ACER3: variants seen among roughly 807,000 people sequenced by gnomAD.
The protein encoded by ACER3 is alkaline ceramidase 3.
In ACER3, 16 loss-of-function variants were observed where a neutral mutation model predicts 48.9. The observed-to-expected ratio is 0.33, with a 90% CI of 0.22 to 0.50. ACER3 has a LOEUF of 0.50. Among genes scored for constraint, ACER3 ranks in the 20% least tolerant of loss-of-function variants. ACER3 has a pLI of 0.98. For missense variants in ACER3, 227 were observed against 326.0 expected (o/e 0.70, Z 2.34); for synonymous variants, 109 against 107.8 (o/e 1.01, Z -0.07).
chr11:76,889,467 T>G (rs921223820), intron 1 of ACER3, among the ~76,000 whole-genome samples: 6 of 152,350 alleles, frequency 3.9e-5, no homozygotes, highest in African/African-American at 1.4e-4. Context: ...ATTTCAGTAC[T>G]GGAAATACTA....
intron 1 of ACER3, among the ~76,000 whole-genome samples, chr11:76,885,257 C>T (rs1945643569): frequency 6.6e-6 from 1 of 152,082 alleles, no homozygotes; most frequent in African/African-American, 2.4e-5. Context: ...CACAGAGACA[C>T]AGAAATGACT....
chr11:76,965,859 A>G lies in ACER3; in HGVS notation c.267+6828A>G, dbSNP rs1948123157. 1.3e-5 allele frequency among the ~76,000 whole-genome samples: 2 copies of G among 151,382 alleles called. 1 individual carries two copies. Among genetic ancestry groups the G allele is most frequent in the African/African-American group, 4.9e-5 (2 of 40,626 alleles). ...GTACCAGCCACTGCAAAAACATGCC[A>G]AATTGTAAAGACCATCAAGGCTAGG... is the stretch of plus-strand genomic sequence containing the variant. On this transcript the variant is annotated intron_variant, in intron 3 of 10. Coordinates refer to ENST00000532485, the MANE Select transcript of ACER3 (RefSeq NM_018367.7).
chr11:76,998,909 A>G (rs1948971460), intron 7 of ACER3, 88 bp downstream of exon 7: 2 of 1,037,668 alleles, frequency 1.9e-6, no homozygotes, highest in Admixed American at 3.1e-5. Context: ...ATAACACATA[A>G]AAGCTCACTT....
At chr11:76,876,991 A>G (rs1945398666) in intron 1 of ACER3, among the ~76,000 whole-genome samples, 1 of 152,088 alleles carries the variant, frequency 6.6e-6, no homozygotes, top group South Asian at 2.1e-4. Context: ...AGAAATTTTG[A>G]TTTTCTGTTG....
chr11:76,874,837 AT>A (rs1945328991), intron 1 of ACER3, among the ~76,000 whole-genome samples: 1 of 151,540 alleles, frequency 6.6e-6, no homozygotes, highest in African/African-American at 2.4e-5. Context: ...TTCTTCTTTG[AT>A]TTGTTTTTAA....
At chr11:76,959,297 C>A in intron 3 of ACER3, 1 of 1,115,666 alleles carries the variant, frequency 9.0e-7, no homozygotes, top group Non-Finnish European at 1.2e-6. Context: ...AGAGCAGAGT[C>A]ACATGGGGAC....
chr11:77,011,374 TG>T (rs1354574394), intron 7 of ACER3: 1 of 985,446 alleles, frequency 1.0e-6, no homozygotes. Context: ...AGATTGGCCA[TG>T]GTAAGTAAGT....
At chr11:76,926,807 A>C in intron 2 of ACER3, 140 bp downstream of exon 2, 1 of 543,690 alleles carries the variant, frequency 1.8e-6, no homozygotes, top group Non-Finnish European at 3.2e-6. Context: ...AAACTCCAAA[A>C]ACCTTGCCAG....
chr11:76,997,205 G>C (rs865933197), intron 6 of ACER3, among the ~76,000 whole-genome samples: 1 of 152,016 alleles, frequency 6.6e-6, no homozygotes, highest in African/African-American at 2.4e-5. Flanking sequence ...TTTCTTTTAA[G>C]GTAACTGCTA....
chr11:76,903,921 C>G (rs552566176), intron 1 of ACER3, among the ~76,000 whole-genome samples: 7 of 152,238 alleles, frequency 4.6e-5, no homozygotes, highest in Non-Finnish European at 1.0e-4. Context: ...TCTGAAGTCT[C>G]CAACTTGGGA....
At chr11:76,966,044 G>C (rs1948129652) in intron 3 of ACER3, among the ~76,000 whole-genome samples, 3 of 151,254 alleles carry the variant, frequency 2.0e-5, no homozygotes, top group Non-Finnish European at 4.4e-5. Flanking sequence ...ACCCATCAGT[G>C]TGCTGTATTC....
At chr11:77,010,543 G>C (rs1376303185) in intron 7 of ACER3, among the ~76,000 whole-genome samples, 3 of 151,596 alleles carry the variant, frequency 2.0e-5, no homozygotes, top group East Asian at 3.9e-4. Context: ...GACAGAGGCA[G>C]AGAATAGAGA....
chr11:76,982,280 G>A (rs752132575), intron 4 of ACER3, among the ~76,000 whole-genome samples: 3 of 148,026 alleles, frequency 2.0e-5, no homozygotes, highest in Non-Finnish European at 3.0e-5. Context: ...GCAGTGGTGC[G>A]ATCTCGGCTC....
chr11:76,884,771 A>G (rs1196286274), intron 1 of ACER3, among the ~76,000 whole-genome samples: 1 of 151,362 alleles, frequency 6.6e-6, no homozygotes, highest in Non-Finnish European at 1.5e-5. Context: ...TTTCTTTTTT[A>G]ATTTTTTTTT....
intron 1 of ACER3, among the ~76,000 whole-genome samples, chr11:76,886,826 G>A (rs1376871572): frequency 6.6e-6 from 1 of 152,000 alleles, no homozygotes; most frequent in African/African-American, 2.4e-5. Flanking sequence ...AATTACAAGT[G>A]TGCGCTACAC....
chr11:76,927,407 C>A (rs1946859010), intron 2 of ACER3, among the ~76,000 whole-genome samples: 1 of 152,012 alleles, frequency 6.6e-6, no homozygotes, highest in Non-Finnish European at 1.5e-5. Context: ...ATAAAAAATA[C>A]CAAATGAAGT....
intron 1 of ACER3, among the ~76,000 whole-genome samples, chr11:76,905,145 C>G (rs779766631): frequency 6.6e-6 from 1 of 152,114 alleles, no homozygotes; most frequent in Non-Finnish European, 1.5e-5. Flanking sequence ...AGCCACCACA[C>G]CTGGCCATGT....
At chr11:76,985,277 A>G (rs1384498806) in intron 4 of ACER3, among the ~76,000 whole-genome samples, 2 of 151,872 alleles carry the variant, frequency 1.3e-5, no homozygotes, top group African/African-American at 4.8e-5. Flanking sequence ...TAATTATTTT[A>G]TTTTTTGTGG....
chr11:76,887,078 C>T (rs1945692151), intron 1 of ACER3, among the ~76,000 whole-genome samples: 1 of 151,230 alleles, frequency 6.6e-6, no homozygotes, highest in Non-Finnish European at 1.5e-5. Context: ...CCTGCCTGGG[C>T]AACATAGTGA....
Sources: allele counts gnomAD v4.1 joint callset (sites outside exome capture counted in the v4.1 genomes callset), GRCh38; gene constraint gnomAD v4.1.1; transcripts MANE v1.5; gene names NCBI Gene and HGNC (gene_info 2026-07-23, HGNC 2026-07-21).